The following C16orf95 variants were observed in gnomAD, a reference collection of about 807,000 sequenced individuals.
The protein encoded by C16orf95 is chromosome 16 open reading frame 95, also known as uncharacterized protein C16orf95.
Under a neutral mutation model 32.1 loss-of-function variants are expected in C16orf95, and 41 were observed. The ratio of observed to expected loss-of-function variants is 1.28; its 90% CI spans 1.00 to 1.66. C16orf95 has a LOEUF of 1.66. Ranked by LOEUF, C16orf95 falls within the 40% of genes most tolerant of loss-of-function variation. The pLI, the probability that C16orf95 is intolerant of heterozygous loss-of-function variation, is 0.00. For missense variants in C16orf95, 399 were observed against 325.9 expected (o/e 1.22, Z -1.73); for synonymous variants, 147 against 128.9 (o/e 1.14, Z -0.95).
At chr16:87,307,961 A>C (rs1911101387) in intron 5 of C16orf95, among the ~76,000 whole-genome samples, 2 of 152,078 alleles carry the variant, frequency 1.3e-5, no homozygotes, top group Admixed American at 6.6e-5. Context: ...CCCTTTAAAG[A>C]TTTTTTAAGA....
intron 3 of C16orf95, 145 bp downstream of exon 3, chr16:87,314,826 A>AAAAT (rs923109347): frequency 3.5e-6 from 3 of 858,386 alleles, no homozygotes; most frequent in African/African-American, 3.4e-5. Flanking sequence ...ATCTGACATG[A>AAAAT]AAATAAATAA....
chr16:87,315,916 C>G (rs1904322163), intron 1 of C16orf95, 93 bp from the exon 2 acceptor site: 2 of 880,584 alleles, frequency 2.3e-6, no homozygotes, highest in South Asian at 4.3e-5. Context: ...TCAGAACTGA[C>G]TCTTAATAAT....
chr16:87,310,645 G>A (rs1040398397), intron 4 of C16orf95, among the ~76,000 whole-genome samples: 10 of 152,196 alleles, frequency 6.6e-5, no homozygotes, highest in Non-Finnish European at 1.3e-4. Flanking sequence ...AACTAGCGCT[G>A]TGGAGGCGGC....
chr16:87,313,288 C>A (rs897281602), intron 3 of C16orf95, among the ~76,000 whole-genome samples: 7 of 151,096 alleles, frequency 4.6e-5, no homozygotes, highest in African/African-American at 1.7e-4. Context: ...AGTCAAGACA[C>A]AATAATCAAG....
chr16:87,313,663 G>A (rs911564897), intron 3 of C16orf95, among the ~76,000 whole-genome samples: 1 of 152,104 alleles, frequency 6.6e-6, no homozygotes, highest in East Asian at 1.9e-4. Flanking sequence ...GAGCTAGGGA[G>A]TTCAAGTTTG....
intron 2 of C16orf95, 33 bp from the exon 3 acceptor site, chr16:87,315,129 T>A: frequency 6.5e-7 from 1 of 1,533,014 alleles, no homozygotes; most frequent in Non-Finnish European, 8.7e-7. Context: ...AGAACTGAGC[T>A]TGATGCTGCA....
chr16:87,315,894 G>C, intron 1 of C16orf95, 71 bp from the exon 2 acceptor site: 1 of 1,131,844 alleles, frequency 8.8e-7, no homozygotes, highest in Non-Finnish European at 1.2e-6. Flanking sequence ...GCACAGGCCT[G>C]GACCTGTCTT....
rs12148919 is a variant in C16orf95, at chr16:87,305,151, C to T, written c.701+568G>A. Among the ~76,000 whole-genome samples, 77,435 of 151,966 alleles carry T rather than the reference C, an allele frequency of 0.51. 20,216 individuals are homozygous for T. The highest frequency in any genetic ancestry group is 0.58 in the Non-Finnish European group (39,530 of 67,946). ...CCAGCTGTGGCCCGGGGAGTGGCCC[C>T]GGAGGCTTCCTGGGGGAGGTATCCC... On this transcript the variant is annotated intron_variant, in intron 6 of 6. Transcript: ENST00000567970. This position sits in a 1 kb window ranked among gnomAD's most constrained non-coding sequence, Gnocchi z 4.2.
intron 5 of C16orf95, among the ~76,000 whole-genome samples, chr16:87,309,199 G>A (rs1341855259): frequency 6.6e-6 from 1 of 152,004 alleles, no homozygotes; most frequent in Non-Finnish European, 1.5e-5. Context: ...ATGCTGCTCT[G>A]ATAGGGACTC....
At chr16:87,312,919 A>G (rs1420494529) in intron 3 of C16orf95, among the ~76,000 whole-genome samples, 3 of 152,238 alleles carry the variant, frequency 2.0e-5, no homozygotes, top group Non-Finnish European at 4.4e-5. Context: ...AAATTCAAAA[A>G]CAATGTCATC....
chr16:87,316,378 CTGGA>C (rs1314972106), intron 1 of C16orf95, among the ~76,000 whole-genome samples: 1 of 152,152 alleles, frequency 6.6e-6, no homozygotes. Flanking sequence ...TGAATGTTGG[CTGGA>C]TGAAGCGTCT....
At position 87,316,959 on chromosome 16, in the gene C16orf95, G is replaced by A. The variant is rs1366902962; in HGVS notation, c.152+132C>T. ...GAACCATCAGTTGCGTTTTTGTTAAGCCAATGTAAGTGAGGTTCCTGTGGG... is the reference window on the plus strand; with the variant it reads ...GAACCATCAGTTGCGTTTTTGTTAAACCAATGTAAGTGAGGTTCCTGTGGG... On this transcript the variant is annotated intron_variant, in intron 1 of 6. Transcript: ENST00000567970. The A allele has an allele frequency of 3.0e-6, 4 of 1,351,622 alleles. No homozygotes were observed. The East Asian group carries it at 8.6e-5, about 29-fold the overall frequency. 83.7% of individuals were successfully genotyped at this position (1,351,622 alleles called of 1,614,324 possible). A position where few individuals can be genotyped will look rare whatever the true frequency, so the allele number is the denominator to read the frequency against.
chr16:87,315,663 G>T, intron 2 of C16orf95, 109 bp downstream of exon 2: 1 of 845,446 alleles, frequency 1.2e-6, no homozygotes, highest in Non-Finnish European at 1.7e-6. Flanking sequence ...TTTTGTGTTT[G>T]GAGGATTCTC....
chr16:87,303,170 G>C lies in C16orf95; in HGVS notation c.702-95C>G. On this transcript the variant is annotated intron_variant, in intron 6 of 6. Transcript: ENST00000567970. ...CCTTGGGAAACCTCCATGAGCGGAA[G>C]GCAGAGGCGCTCCACAGTGCACAGG... 4.0e-6 allele frequency: 5 copies of C among 1,255,672 alleles called. No individual in the cohort carries two copies. In the South Asian group the frequency reaches 6.4e-5, roughly 16 times the overall value. The allele number at this position is 1,255,672 out of a possible 1,614,324, so 77.8% of individuals were successfully genotyped here.
At chr16:87,310,632 C>T (rs1911238912) in intron 4 of C16orf95, among the ~76,000 whole-genome samples, 1 of 152,212 alleles carries the variant, frequency 6.6e-6, no homozygotes, top group Admixed American at 6.5e-5. Flanking sequence ...TGCCGCTGCC[C>T]AGAACTAGCG....
At chr16:87,308,172 T>G (rs1382179053) in intron 5 of C16orf95, among the ~76,000 whole-genome samples, 1 of 152,042 alleles carries the variant, frequency 6.6e-6, no homozygotes, top group East Asian at 1.9e-4. Context: ...GCTAACTTCC[T>G]CAAAACACTC....
At chr16:87,315,707 G>T in intron 2 of C16orf95, 65 bp downstream of exon 2, 1 of 1,260,388 alleles carries the variant, frequency 7.9e-7, no homozygotes, top group Non-Finnish European at 1.1e-6. Context: ...CACATTCCCT[G>T]CTCTCCTCAC....
chr16:87,303,105 A>G, intron 6 of C16orf95, 30 bp from the exon 7 acceptor site: 2 of 1,535,948 alleles, frequency 1.3e-6, no homozygotes. Context: ...AGTTACTAGG[A>G]CCCGGCCCCA....
chr16:87,310,298 T>A lies in C16orf95; in HGVS notation c.513A>T (p.Gln171His), dbSNP rs1448428247. The A allele has an allele frequency of 1.3e-6, 2 of 1,536,096 alleles. No individual in the cohort carries two copies. The highest frequency in any genetic ancestry group is 1.7e-6 in the Non-Finnish European group (2 of 1,146,900). Residue 171 changes from glutamine to histidine, a missense_variant and splice_region_variant, in exon 5 of 7, where the codon CAA becomes CAT. Transcript: ENST00000567970. ...GAGACACACACACACTGGAGTTACC[T>A]TGGATGCCTTTCAAACTCTGCTGCC... ...VRRQQSLKGI[Q>H]APLLDACCWH...
Sources: allele counts gnomAD v4.1 joint callset (sites outside exome capture counted in the v4.1 genomes callset), GRCh38; gene constraint gnomAD v4.1.1; non-coding constraint Gnocchi (gnomAD v3.1); transcripts MANE v1.5; gene names NCBI Gene and HGNC (gene_info 2026-07-23, HGNC 2026-07-21).